NEGR1: variants seen among roughly 807,000 people sequenced by gnomAD.
NEGR1 encodes neuronal growth regulator 1.
Under a neutral mutation model 40.9 loss-of-function variants are expected in NEGR1, and 10 were observed. That is an observed-to-expected ratio of 0.24 (90% CI 0.15 to 0.42). NEGR1 has a LOEUF of 0.42. Ranked by LOEUF, NEGR1 falls within the 10% of genes least tolerant of loss-of-function variation. NEGR1 has a pLI of 1.00. For missense variants in NEGR1, 352 were observed against 438.9 expected (o/e 0.80, Z 1.77); for synonymous variants, 185 against 166.8 (o/e 1.11, Z -0.84).
At chr1:71,448,637 A>G (rs1471613395) in intron 6 of NEGR1, among the ~76,000 whole-genome samples, 1 of 152,026 alleles carries the variant, frequency 6.6e-6, no homozygotes, top group Non-Finnish European at 1.5e-5. Flanking sequence ...ATTAGAGAAA[A>G]TTACGCAACA....
At chr1:72,253,057 G>A (rs753376286) in intron 1 of NEGR1, among the ~76,000 whole-genome samples, 1 of 152,158 alleles carries the variant, frequency 6.6e-6, no homozygotes, top group Non-Finnish European at 1.5e-5. Context: ...ACTTCCTTTA[G>A]TTGGGTGCAT....
At chr1:72,036,453 C>T (rs1042015397) in intron 1 of NEGR1, among the ~76,000 whole-genome samples, 3 of 151,832 alleles carry the variant, frequency 2.0e-5, no homozygotes, top group African/African-American at 2.4e-5. Flanking sequence ...GTCAGGAGTT[C>T]GAGACCAGCC....
intron 3 of NEGR1, among the ~76,000 whole-genome samples, chr1:71,768,237 C>A (rs1339179947): frequency 6.6e-6 from 1 of 152,172 alleles, no homozygotes; most frequent in African/African-American, 2.4e-5. Flanking sequence ...GCAGCAACCA[C>A]TCAACATTAG....
intron 3 of NEGR1, among the ~76,000 whole-genome samples, chr1:71,734,441 A>G (rs1654984293): frequency 6.6e-6 from 1 of 152,140 alleles, no homozygotes; most frequent in South Asian, 2.1e-4. Context: ...AGTGACAAAA[A>G]TACTGCCTAG....
intron 1 of NEGR1, among the ~76,000 whole-genome samples, chr1:72,237,483 T>C (rs1472388581): frequency 3.9e-5 from 6 of 151,918 alleles, no homozygotes; most frequent in Non-Finnish European, 5.9e-5. Context: ...AGGCCATTAC[T>C]TCTCCCAAAA....
intron 2 of NEGR1, among the ~76,000 whole-genome samples, chr1:71,785,804 C>T (rs1259684385): frequency 6.6e-6 from 1 of 152,138 alleles, no homozygotes; most frequent in Non-Finnish European, 1.5e-5. Context: ...TGAGAGAACC[C>T]AATGTCTACC....
intron 1 of NEGR1, among the ~76,000 whole-genome samples, chr1:72,019,040 G>A (rs578152339): frequency 1.3e-5 from 2 of 152,242 alleles, no homozygotes; most frequent in South Asian, 4.1e-4. Context: ...CATATGATTC[G>A]ATATGTATTT....
intron 3 of NEGR1, among the ~76,000 whole-genome samples, chr1:71,704,142 A>G (rs1653803913): frequency 7.2e-6 from 1 of 139,248 alleles, no homozygotes; most frequent in African/African-American, 2.7e-5. Flanking sequence ...AGAAAATAGA[A>G]TCTCTCTCTC....
At chr1:71,659,660 G>A (rs943422724) in intron 4 of NEGR1, among the ~76,000 whole-genome samples, 1 of 152,128 alleles carries the variant, frequency 6.6e-6, no homozygotes, top group Non-Finnish European at 1.5e-5. Context: ...TAAAAGGTGG[G>A]CAAAGGATAT....
chr1:71,486,202 A>T (rs1480301644), intron 6 of NEGR1, among the ~76,000 whole-genome samples: 1 of 151,532 alleles, frequency 6.6e-6, no homozygotes, highest in African/African-American at 2.4e-5. Context: ...ATGCCATATG[A>T]TGTGGAACAT....
chr1:71,820,774 G>A (rs375988639), intron 2 of NEGR1, among the ~76,000 whole-genome samples: 36 of 152,032 alleles, frequency 2.4e-4, no homozygotes, highest in Admixed American at 1.4e-3. Context: ...CAAAGATAGC[G>A]AATCAAAATC....
chr1:71,922,463 A>AGTTT (rs1213386782), intron 2 of NEGR1, among the ~76,000 whole-genome samples: 4 of 152,338 alleles, frequency 2.6e-5, no homozygotes, highest in Admixed American at 1.3e-4. Context: ...TTTAGGTAGA[A>AGTTT]GTTTTCAAAA....
At chr1:71,537,106 CTATG>C (rs1405339327) in intron 6 of NEGR1, among the ~76,000 whole-genome samples, 1 of 151,672 alleles carries the variant, frequency 6.6e-6, no homozygotes, top group African/African-American at 2.4e-5. Flanking sequence ...CTAACTCCTA[CTATG>C]TAACAAACAC....
chr1:71,729,251 C>T (rs1654774746), intron 3 of NEGR1, among the ~76,000 whole-genome samples: 2 of 152,094 alleles, frequency 1.3e-5, no homozygotes, highest in Admixed American at 1.3e-4. Flanking sequence ...GTTCCAATAA[C>T]ACCTTCTCAA....
rs562654365 is a variant in NEGR1, at chr1:72,143,145, C to T, written c.176+139174G>A. Among the ~76,000 whole-genome samples the T allele has an allele frequency of 5.5e-3, 835 of 151,876 alleles. 10 individuals carry two copies. Among genetic ancestry groups the T allele is most frequent in the African/African-American group, 0.019 (793 of 41,486 alleles). On this transcript the variant is annotated intron_variant, in intron 1 of 6. Transcript: ENST00000357731. ...TTTTGGCAGTAAAAATGTTGGAAGC[C>T]GAGAGGCTCAAAAATTATTATTTCT...
intron 2 of NEGR1, among the ~76,000 whole-genome samples, chr1:71,917,516 T>C (rs1354563981): frequency 6.6e-6 from 1 of 151,992 alleles, no homozygotes; most frequent in Non-Finnish European, 1.5e-5. Context: ...GTCGGACGGG[T>C]GCGGTGGCTC....
intron 2 of NEGR1, among the ~76,000 whole-genome samples, chr1:71,848,938 A>C (rs1659510700): frequency 1.3e-5 from 2 of 152,078 alleles, no homozygotes; most frequent in Admixed American, 1.3e-4. Context: ...AAAAATACAA[A>C]AATTAGCCGG....
intron 2 of NEGR1, among the ~76,000 whole-genome samples, chr1:71,862,070 T>G (rs1659964429): frequency 6.6e-6 from 1 of 152,120 alleles, no homozygotes; most frequent in Non-Finnish European, 1.5e-5. Flanking sequence ...GTATTTTTCC[T>G]AAATTATATG....
At chr1:71,776,795 C>G (rs776401730) in intron 2 of NEGR1, among the ~76,000 whole-genome samples, 7 of 152,094 alleles carry the variant, frequency 4.6e-5, no homozygotes, top group South Asian at 2.1e-4. Context: ...GTATTTTTGA[C>G]TTTAATTTTC....
Sources: allele counts gnomAD v4.1 joint callset (sites outside exome capture counted in the v4.1 genomes callset), GRCh38; gene constraint gnomAD v4.1.1; transcripts MANE v1.5; gene names NCBI Gene and HGNC (gene_info 2026-07-23, HGNC 2026-07-21).